The following TMEM132D variants were observed in gnomAD, a reference collection of about 807,000 sequenced individuals.
TMEM132D encodes transmembrane protein 132D, also known as mature OL transmembrane protein.
TMEM132D carries 21 observed loss-of-function variants against 62.3 expected under a neutral mutation model. The ratio of observed to expected loss-of-function variants is 0.34; its 90% CI spans 0.24 to 0.49. The LOEUF (loss-of-function observed/expected upper bound fraction) is 0.49, where lower values mean the gene tolerates loss of function less well. TMEM132D is among the 20% of genes least tolerant of loss of function. The pLI is 0.99. For synonymous variants in TMEM132D, 621 were observed against 575.6 expected, an observed-to-expected ratio of 1.08 and a Z score of -1.13; for missense variants, 1,346 against 1,402.8, an observed-to-expected ratio of 0.96 and a Z score of 0.65.
intron 1 of TMEM132D, among the ~76,000 whole-genome samples, chr12:129,876,313 T>C (rs1441058163): frequency 6.6e-6 from 1 of 152,242 alleles, no homozygotes; most frequent in Non-Finnish European, 1.5e-5. Flanking sequence ...GCCATCGTTT[T>C]GTTGATCCTA....
intron 4 of TMEM132D, chr12:129,212,096 C>T (rs1879069337): frequency 6.6e-6 from 1 of 152,200 alleles, no homozygotes; most frequent in Admixed American, 6.5e-5. Context: ...TGACATCAGT[C>T]TCAGGGAAAA....
intron 1 of TMEM132D, among the ~76,000 whole-genome samples, chr12:129,741,567 A>T (rs1869610003): frequency 6.6e-6 from 1 of 152,210 alleles, no homozygotes; most frequent in Non-Finnish European, 1.5e-5. Context: ...AACCACAGCA[A>T]CTGTGAAGAA....
intron 3 of TMEM132D, among the ~76,000 whole-genome samples, chr12:129,520,704 G>A (rs1004318515): frequency 3.3e-5 from 5 of 152,140 alleles, no homozygotes; most frequent in South Asian, 4.1e-4. Context: ...ATCAAGGCAC[G>A]CCACGATTAA....
intron 3 of TMEM132D, among the ~76,000 whole-genome samples, chr12:129,524,811 C>T (rs770218163): frequency 1.7e-4 from 26 of 151,570 alleles, no homozygotes; most frequent in Non-Finnish European, 5.9e-5. Context: ...GCGGAGACTG[C>T]GCCACTGTAC....
intron 3 of TMEM132D, among the ~76,000 whole-genome samples, chr12:129,449,868 A>G (rs1280143112): frequency 1.3e-5 from 2 of 152,346 alleles, no homozygotes; most frequent in Non-Finnish European, 2.9e-5. Context: ...ATGTTGGATC[A>G]GTTTGAAGTG....
chr12:129,286,182 C>A (rs1881292666), intron 4 of TMEM132D, among the ~76,000 whole-genome samples: 1 of 152,136 alleles, frequency 6.6e-6, no homozygotes, highest in Non-Finnish European at 1.5e-5. Flanking sequence ...TTCAGACATA[C>A]CAGCCTGCCA....
intron 5 of TMEM132D, among the ~76,000 whole-genome samples, chr12:129,132,967 A>C (rs1182056290): frequency 6.6e-6 from 1 of 152,166 alleles, no homozygotes; most frequent in African/African-American, 2.4e-5. Flanking sequence ...CAGAATGTTC[A>C]TGCAGAGATG....
At chr12:129,624,631 C>T (rs1879163625) in intron 2 of TMEM132D, among the ~76,000 whole-genome samples, 1 of 152,278 alleles carries the variant, frequency 6.6e-6, no homozygotes, top group Admixed American at 6.5e-5. Flanking sequence ...ACCCAGTGCT[C>T]ACCTTCCTCT....
intron 4 of TMEM132D, among the ~76,000 whole-genome samples, chr12:129,269,464 G>T (rs145162985): frequency 6.6e-6 from 1 of 151,790 alleles, no homozygotes; most frequent in African/African-American, 2.4e-5. Context: ...ATGAAAGCAG[G>T]ACTTTTGCTA....
chr12:129,682,474 C>G (rs1444059742), intron 2 of TMEM132D, among the ~76,000 whole-genome samples: 5 of 152,254 alleles, frequency 3.3e-5, no homozygotes, highest in South Asian at 4.1e-4. Flanking sequence ...CTCCAGCAGG[C>G]AAACACAGCC....
At chr12:129,636,106 T>C (rs1879468870) in intron 2 of TMEM132D, among the ~76,000 whole-genome samples, 1 of 152,232 alleles carries the variant, frequency 6.6e-6, no homozygotes, top group South Asian at 2.1e-4. Flanking sequence ...AGATGAAGTT[T>C]CCTGGGTGGC....
At chr12:129,590,616 A>C (rs1364962238) in intron 2 of TMEM132D, among the ~76,000 whole-genome samples, 1 of 152,218 alleles carries the variant, frequency 6.6e-6, no homozygotes, top group African/African-American at 2.4e-5. Context: ...AGAAAGTTGC[A>C]TCTGCTGCAG....
chr12:129,619,091 T>C (rs1565925133), intron 2 of TMEM132D, among the ~76,000 whole-genome samples: 2 of 152,138 alleles, frequency 1.3e-5, no homozygotes, highest in African/African-American at 4.8e-5. Context: ...AGAGAATCGA[T>C]TGTAAATGTT....
intron 2 of TMEM132D, among the ~76,000 whole-genome samples, chr12:129,633,762 G>A (rs777346694): frequency 1.6e-4 from 25 of 151,896 alleles, no homozygotes; most frequent in Admixed American, 1.5e-3. Context: ...CTCTCACATT[G>A]GTTCATGTTC....
chr12:129,837,656 G>A (rs1175295331), intron 1 of TMEM132D, among the ~76,000 whole-genome samples: 2 of 152,228 alleles, frequency 1.3e-5, no homozygotes, highest in South Asian at 2.1e-4. Flanking sequence ...CAAATGAAAA[G>A]CTTGCTTTCA....
rs148318433 is a variant in TMEM132D, at chr12:129,159,942, C to T, written c.1443+49578G>A. ...AATCTGTTTCTGTACAACAGTTTCT[C>T]ATCTCTCCGTGAAGTAAGAGCTGAG... On this transcript the variant is annotated intron_variant, in intron 5 of 8. Coordinates refer to ENST00000422113, the MANE Select transcript of TMEM132D (RefSeq NM_133448.3). Among the ~76,000 whole-genome samples, 455 of 152,124 alleles carry T rather than the reference C, an allele frequency of 3.0e-3. 4 individuals are homozygous for T. Among genetic ancestry groups the T allele is most frequent in the African/African-American group, 0.011 (441 of 41,502 alleles).
chr12:129,749,467 T>TTG (rs1417494364), intron 1 of TMEM132D, among the ~76,000 whole-genome samples: 1 of 44,802 alleles, frequency 2.2e-5, no homozygotes, highest in Non-Finnish European at 7.2e-5. Flanking sequence ...AAGAATCTTT[T>TTG]TTTTTTTTTT....
At chr12:129,283,690 G>A (rs1881220129) in intron 4 of TMEM132D, among the ~76,000 whole-genome samples, 1 of 152,204 alleles carries the variant, frequency 6.6e-6, no homozygotes, top group Non-Finnish European at 1.5e-5. Context: ...TGATTAGGGA[G>A]CAGGGCTCCT....
At chr12:129,386,162 A>T (rs1250736607) in intron 3 of TMEM132D, among the ~76,000 whole-genome samples, 8 of 152,174 alleles carry the variant, frequency 5.3e-5, no homozygotes, top group Admixed American at 5.2e-4. Context: ...TCTTTAATGG[A>T]ACTGAGAACA....
Sources: allele counts gnomAD v4.1 joint callset (sites outside exome capture counted in the v4.1 genomes callset), GRCh38; gene constraint gnomAD v4.1.1; transcripts MANE v1.5; gene names NCBI Gene and HGNC (gene_info 2026-07-23, HGNC 2026-07-21).